MEF2A: variants seen among roughly 807,000 people sequenced by gnomAD.
The protein encoded by MEF2A is myocyte-specific enhancer factor 2A.
MEF2A carries 28 observed loss-of-function variants against 55.8 expected under a neutral mutation model. The observed-to-expected ratio is 0.50, with a 90% confidence interval of 0.37 to 0.69. The LOEUF is 0.69. MEF2A is among the 30% of genes least tolerant of loss of function. MEF2A has a pLI of 0.00. For missense variants in MEF2A, 528 were observed against 626.2 expected (o/e 0.84, Z 1.67); for synonymous variants, 239 against 227.1 (o/e 1.05, Z -0.47).
intron 2 of MEF2A, among the ~76,000 whole-genome samples, chr15:99,604,645 C>T (rs1555455441): frequency 1.3e-5 from 2 of 149,126 alleles, no homozygotes; most frequent in Admixed American, 6.7e-5. Context: ...TTTGCCTCTT[C>T]TCATTCCCTA....
chr15:99,664,724 C>A (rs771202458), intron 4 of MEF2A, among the ~76,000 whole-genome samples: 8 of 152,048 alleles, frequency 5.3e-5, no homozygotes, highest in Middle Eastern at 6.8e-3. Context: ...AAGGAGAGAC[C>A]GGTTTAATAA....
intron 1 of MEF2A, among the ~76,000 whole-genome samples, chr15:99,567,710 C>A (rs1567124991): frequency 6.7e-6 from 1 of 148,260 alleles, no homozygotes; most frequent in Admixed American, 6.7e-5. Flanking sequence ...TAAATTACAA[C>A]TTTTGTTTTA....
At chr15:99,627,051 C>T (rs1471985030) in intron 2 of MEF2A, among the ~76,000 whole-genome samples, 1 of 151,866 alleles carries the variant, frequency 6.6e-6, no homozygotes, top group South Asian at 2.1e-4. Context: ...TTTTTTTCAC[C>T]TAGCCATATT....
At chr15:99,676,639 C>G (rs1278803260) in intron 7 of MEF2A, among the ~76,000 whole-genome samples, 1 of 151,314 alleles carries the variant, frequency 6.6e-6, no homozygotes, top group Admixed American at 6.6e-5. Context: ...GTGGCGCCAT[C>G]TCCGCTCACT....
chr15:99,645,811 T>G, intron 4 of MEF2A, 47 bp downstream of exon 4: 2 of 1,353,722 alleles, frequency 1.5e-6, no homozygotes, highest in Non-Finnish European at 2.0e-6. Context: ...TACTGAAATA[T>G]TTTGTTTAAT....
chr15:99,707,932 T>A (rs938881036), intron 10 of MEF2A, among the ~76,000 whole-genome samples: 3 of 142,630 alleles, frequency 2.1e-5, no homozygotes, highest in African/African-American at 8.1e-5. Flanking sequence ...AATAAAAGGT[T>A]TTATTGAAAA....
Position 99,655,501 on chromosome 15 carries a change from G to T in MEF2A, c.258+9737G>T, listed in dbSNP as rs117183833. Among the ~76,000 whole-genome samples, 85 of 152,166 alleles carry T rather than the reference G, an allele frequency of 5.6e-4. 1 individual carries two copies. In the East Asian group the frequency reaches 0.012, roughly 21 times the overall value. Reference sequence around the variant, plus strand: ...TATAGGCATTGGGCAGCCTTTAGAGGGGTGTTTAAAAGTTTTAAGTAGTCA... The same window carrying T: ...TATAGGCATTGGGCAGCCTTTAGAGTGGTGTTTAAAAGTTTTAAGTAGTCA... On this transcript the variant is annotated intron_variant, in intron 4 of 11. Transcript: ENST00000557942.
At chr15:99,650,691 T>A (rs1299244847) in intron 4 of MEF2A, among the ~76,000 whole-genome samples, 1 of 152,176 alleles carries the variant, frequency 6.6e-6, no homozygotes, top group Admixed American at 6.5e-5. Context: ...GGAATCAGTA[T>A]AAGATCCATC....
At chr15:99,653,376 C>T (rs960082187) in intron 4 of MEF2A, among the ~76,000 whole-genome samples, 6 of 152,154 alleles carry the variant, frequency 3.9e-5, no homozygotes, top group Admixed American at 1.3e-4. Context: ...CTAGATTCTA[C>T]AGAAAGACAC....
intron 8 of MEF2A, 122 bp from the exon 9 acceptor site, chr15:99,703,240 T>A: frequency 1.2e-6 from 1 of 830,486 alleles, no homozygotes; most frequent in Non-Finnish European, 2.0e-6. Context: ...GTGTATATAA[T>A]CGTCTCTTTA....
rs1391525693 is a variant in MEF2A at position 99,710,629 on chromosome 15, TG to T, written c.1010-4del. The T allele has an allele frequency of 2.5e-6, 4 of 1,607,286 alleles. No individual in the cohort carries two copies. The highest frequency in any genetic ancestry group is 3.4e-6 in the Non-Finnish European group (4 of 1,174,386). On this transcript the variant is annotated splice_polypyrimidine_tract_variant and splice_region_variant and intron_variant, in intron 10 of 11. Transcript: ENST00000557942. ...TATGCAGAGCCCTCTTGTCTTCCTTTGTAGATTATTCACTGACCAGCGCTGA... is the reference window on the plus strand; with the variant it reads ...TATGCAGAGCCCTCTTGTCTTCCTTTTAGATTATTCACTGACCAGCGCTGA...
intron 2 of MEF2A, among the ~76,000 whole-genome samples, chr15:99,627,994 G>T (rs1007645950): frequency 6.6e-5 from 10 of 152,164 alleles, no homozygotes. Context: ...TGGGGATTAT[G>T]GTTGATGTGT....
chr15:99,634,561 T>C (rs1282864638), intron 3 of MEF2A, among the ~76,000 whole-genome samples: 1 of 152,148 alleles, frequency 6.6e-6, no homozygotes, highest in Non-Finnish European at 1.5e-5. Context: ...GGAGGACACA[T>C]AAAATTTTCG....
chr15:99,619,344 G>A (rs1276612907), intron 2 of MEF2A, among the ~76,000 whole-genome samples: 4 of 152,160 alleles, frequency 2.6e-5, no homozygotes, highest in Admixed American at 2.0e-4. Context: ...TACAGCGGTT[G>A]GAGTGCTGTT....
intron 1 of MEF2A, among the ~76,000 whole-genome samples, chr15:99,592,721 T>C (rs1390152493): frequency 6.6e-6 from 1 of 152,030 alleles, no homozygotes; most frequent in Non-Finnish European, 1.5e-5. Context: ...ACTACACTCT[T>C]GAACAACCAG....
intron 7 of MEF2A, among the ~76,000 whole-genome samples, chr15:99,682,333 C>T (rs2053397242): frequency 6.6e-6 from 1 of 152,170 alleles, no homozygotes; most frequent in African/African-American, 2.4e-5. Flanking sequence ...CATTTTTTCA[C>T]ATTTGTGTTA....
At chr15:99,641,239 G>T (rs895236658) in intron 3 of MEF2A, among the ~76,000 whole-genome samples, 2 of 152,182 alleles carry the variant, frequency 1.3e-5, no homozygotes, top group African/African-American at 4.8e-5. Context: ...CCCTGCCAGA[G>T]GTTAGTCAGT....
intron 7 of MEF2A, 45 bp from the exon 8 acceptor site, chr15:99,690,196 T>C: frequency 6.4e-7 from 1 of 1,569,306 alleles, no homozygotes; most frequent in Non-Finnish European, 8.7e-7. Flanking sequence ...GCCAAAGTAT[T>C]TTAATAACTC....
intron 4 of MEF2A, among the ~76,000 whole-genome samples, chr15:99,670,978 T>G (rs1331081771): frequency 6.6e-6 from 1 of 152,224 alleles, no homozygotes; most frequent in Non-Finnish European, 1.5e-5. Context: ...ATTTCTATCT[T>G]AGTTCTTTCA....
Sources: allele counts gnomAD v4.1 joint callset (sites outside exome capture counted in the v4.1 genomes callset), GRCh38; gene constraint gnomAD v4.1.1; transcripts MANE v1.5; gene names NCBI Gene and HGNC (gene_info 2026-07-23, HGNC 2026-07-21).